The following INPP5A variants were observed in gnomAD, a reference collection of about 807,000 sequenced individuals.
INPP5A encodes the protein inositol polyphosphate-5-phosphatase A, also known as 43 kDa inositol polyphosphate 5-phophatase.
Under a neutral mutation model 65.2 loss-of-function variants are expected in INPP5A, and 14 were observed. That is an observed-to-expected ratio of 0.21 (90% CI 0.14 to 0.34). The LOEUF (loss-of-function observed/expected upper bound fraction) is 0.34. INPP5A is among the 10% of genes least tolerant of loss of function. INPP5A has a pLI of 1.00. For missense variants in INPP5A, 431 were observed against 545.6 expected, an observed-to-expected ratio of 0.79 and a Z score of 2.09; for synonymous variants, 207 against 208.3, an observed-to-expected ratio of 0.99 and a Z score of 0.05.
At chr10:132,750,185 G>A (rs1459151048) in intron 11 of INPP5A, among the ~76,000 whole-genome samples, 1 of 152,256 alleles carries the variant, frequency 6.6e-6, no homozygotes, top group Non-Finnish European at 1.5e-5. Flanking sequence ...CCGGGCCTCG[G>A]GCCTCACTCT....
chr10:132,655,203 C>T (rs1459690731), intron 4 of INPP5A, among the ~76,000 whole-genome samples: 5 of 152,228 alleles, frequency 3.3e-5, no homozygotes, highest in African/African-American at 1.2e-4. Context: ...TGTGCCTCAT[C>T]CCTGAAGCGC....
At chr10:132,661,128 C>A (rs575781749) in intron 4 of INPP5A, among the ~76,000 whole-genome samples, 1 of 152,296 alleles carries the variant, frequency 6.6e-6, no homozygotes, top group East Asian at 1.9e-4. Flanking sequence ...CTCTGTGTCC[C>A]CAGCTGCATG....
In INPP5A at chr10:132,684,327, G is replaced by A. The variant is rs539921452; in HGVS notation, c.307-6065G>A. Among the ~76,000 whole-genome samples, 7 of 152,332 alleles carry A rather than the reference G, an allele frequency of 4.6e-5. 1 individual carries two copies. In the South Asian group the frequency reaches 8.3e-4, roughly 18 times the overall value. On this transcript the variant is annotated intron_variant, in intron 4 of 15. Transcript: ENST00000368594. ...ATGCCTGTCTCCTGAGAGCTCCAGC[G>A]TCTCTGAGAGAGGTCTGTGTGTGCA...
rs1246845107 is a variant in INPP5A at position 132,549,213 on chromosome 10, C to T, written c.75+11042C>T. Among the ~76,000 whole-genome samples the T allele has an allele frequency of 6.6e-6, 1 of 152,116 alleles. No individual in the cohort carries two copies. The highest frequency in any genetic ancestry group is 1.5e-5 in the Non-Finnish European group (1 of 68,024). On this transcript the variant is annotated intron_variant, in intron 1 of 15. Transcript: ENST00000368594. This position sits in a 1 kb window ranked among gnomAD's most constrained non-coding sequence, Gnocchi z 4.9. ...CTAGTGTACTGTTTGTGAATATGCA[C>T]GTGCCTGTGTGGACGAGGGTGTCAC...
chr10:132,579,300 G>A (rs2071451449), intron 1 of INPP5A, among the ~76,000 whole-genome samples: 1 of 152,120 alleles, frequency 6.6e-6, no homozygotes, highest in Admixed American at 6.5e-5. Context: ...CTGCAGCTGT[G>A]GGTGGCTGTC....
chr10:132,771,465 T>C (rs1455439861), intron 12 of INPP5A, among the ~76,000 whole-genome samples: 1 of 152,222 alleles, frequency 6.6e-6, no homozygotes, highest in African/African-American at 2.4e-5. Context: ...GCCAGCTCCA[T>C]GAAATCAGTG....
intron 11 of INPP5A, among the ~76,000 whole-genome samples, chr10:132,752,683 G>T (rs1846516797): frequency 7.1e-6 from 1 of 139,972 alleles, no homozygotes; most frequent in African/African-American, 2.7e-5. Flanking sequence ...CGTGGAGGGG[G>T]TGCGGCATGG....
chr10:132,701,359 C>T (rs1391262724), intron 6 of INPP5A, among the ~76,000 whole-genome samples: 1 of 152,216 alleles, frequency 6.6e-6, no homozygotes, highest in South Asian at 2.1e-4. Flanking sequence ...GAGCCACGGC[C>T]GTCCCATCTG....
intron 1 of INPP5A, among the ~76,000 whole-genome samples, chr10:132,576,950 C>T (rs77081620): frequency 0.015 from 2,271 of 152,360 alleles, 29 homozygotes; most frequent in South Asian, 0.038. Flanking sequence ...CGCTGAATTG[C>T]TGTGAGCCCA....
At chr10:132,690,824 G>A (rs556830892) in intron 5 of INPP5A, among the ~76,000 whole-genome samples, 7 of 152,302 alleles carry the variant, frequency 4.6e-5, no homozygotes, top group African/African-American at 1.4e-4. Flanking sequence ...CAGCATCCCC[G>A]TTTGATGGTC....
intron 2 of INPP5A, among the ~76,000 whole-genome samples, chr10:132,636,494 C>T (rs1361826465): frequency 6.6e-6 from 1 of 152,238 alleles, no homozygotes; most frequent in Non-Finnish European, 1.5e-5. Context: ...AACTCAGCAT[C>T]AGCAAACTGC....
chr10:132,705,920 C>T lies in INPP5A; in HGVS notation c.475-2393C>T, dbSNP rs1009275188. Among the ~76,000 whole-genome samples the T allele has an allele frequency of 6.6e-6, 1 of 152,328 alleles. No homozygotes were observed. The highest frequency in any genetic ancestry group is 2.4e-5 in the African/African-American group (1 of 41,574). On this transcript the variant is annotated intron_variant, in intron 6 of 15. Coordinates refer to ENST00000368594, the MANE Select transcript of INPP5A (RefSeq NM_005539.5). The surrounding 1 kb of genome is among the most constrained non-coding windows in gnomAD (Gnocchi z 4.9). ...ACGAGCAGACACCAGAATACAGACT[C>T]ACCCCAAATAAAGTTGATTTCTTGG...
intron 6 of INPP5A, among the ~76,000 whole-genome samples, chr10:132,700,912 T>C (rs1845426454): frequency 1.3e-5 from 2 of 152,344 alleles, no homozygotes; most frequent in Non-Finnish European, 2.9e-5. Context: ...ACACTCCAGA[T>C]AATGTGAGGC....
intron 1 of INPP5A, among the ~76,000 whole-genome samples, chr10:132,557,290 C>T (rs867758500): frequency 2.0e-5 from 3 of 152,226 alleles, no homozygotes; most frequent in East Asian, 1.9e-4. Context: ...GGATTTGTTC[C>T]GGTTAGGCCA....
chr10:132,610,489 C>T (rs1012848977), intron 2 of INPP5A, among the ~76,000 whole-genome samples: 4 of 152,226 alleles, frequency 2.6e-5, no homozygotes, highest in Non-Finnish European at 4.4e-5. Context: ...AGGTGCTGGC[C>T]CTGGGACATG....
At chr10:132,593,581 C>A (rs2071646034) in intron 1 of INPP5A, among the ~76,000 whole-genome samples, 1 of 152,176 alleles carries the variant, frequency 6.6e-6, no homozygotes, top group African/African-American at 2.4e-5. Context: ...GATGATTTTG[C>A]TGTACACATG....
chr10:132,659,970 G>A lies in INPP5A; in HGVS notation c.306+9465G>A, dbSNP rs1590903473. Among the ~76,000 whole-genome samples the A allele has an allele frequency of 6.6e-6, 1 of 152,252 alleles. No homozygotes were observed. Among genetic ancestry groups the A allele is most frequent in the South Asian group, 2.1e-4 (1 of 4,832 alleles). On this transcript the variant is annotated intron_variant, in intron 4 of 15. Coordinates refer to ENST00000368594, the MANE Select transcript of INPP5A (RefSeq NM_005539.5). The surrounding 1 kb of genome is among the most constrained non-coding windows in gnomAD (Gnocchi z 5.5). ...CACGCGGCATACTCCCTGTGACATG[G>A]CACATGACACGTGACACAACACATT...
intron 12 of INPP5A, among the ~76,000 whole-genome samples, chr10:132,767,909 C>CT (rs1846879525): frequency 6.8e-6 from 1 of 147,360 alleles, no homozygotes; most frequent in African/African-American, 2.5e-5. Context: ...CCATGGACCC[C>CT]AACCCTCGGC....
Position 132,551,926 on chromosome 10 carries a change from C to T in INPP5A, c.75+13755C>T, listed in dbSNP as rs2071056481. ...TGCCTTGCGGCCCAACCTGGCAGTA[C>T]CCCCCACACAGGGGTCCAGGTGTCC... On this transcript the variant is annotated intron_variant, in intron 1 of 15. Coordinates refer to ENST00000368594, the MANE Select transcript of INPP5A (RefSeq NM_005539.5). The surrounding 1 kb of genome is among the most constrained non-coding windows in gnomAD (Gnocchi z 5.3). Among the ~76,000 whole-genome samples, 1 of 152,252 alleles carries T rather than the reference C, an allele frequency of 6.6e-6. No individual in the cohort carries two copies.
Sources: gnomAD v4.1 joint callset for allele counts (sites outside exome capture counted in the v4.1 genomes callset) on GRCh38, gnomAD v4.1.1 for gene constraint, Gnocchi (gnomAD v3.1) non-coding constraint, MANE v1.5 for transcripts, NCBI Gene and HGNC (gene_info 2026-07-23, HGNC 2026-07-21) for gene names.